Variants in UGT2A1 observed in about 807,000 individuals in gnomAD.
The protein encoded by UGT2A1 is UDP glucuronosyltransferase family 2 member A1 complex locus, also known as UDP-glucuronosyltransferase 2A1.
Under a neutral mutation model 45.4 loss-of-function variants are expected in UGT2A1, and 61 were observed. The observed-to-expected ratio is 1.34, with a 90% CI of 1.09 to 1.66. The LOEUF (loss-of-function observed/expected upper bound fraction) is 1.66. Ranked by LOEUF, UGT2A1 falls within the 40% of genes most tolerant of loss-of-function variation. The probability of loss-of-function intolerance (pLI) is 0.00; values close to 1 mark genes in which losing one functional copy is unlikely to be tolerated. For missense variants in UGT2A1, 649 were observed against 574.3 expected, an observed-to-expected ratio of 1.13 and a Z score of -1.33; for synonymous variants, 229 against 196.2, an observed-to-expected ratio of 1.17 and a Z score of -1.40.
chr4:69,604,198 A>G (rs1719466442), intron 3 of UGT2A1, among the ~76,000 whole-genome samples: 1 of 137,106 alleles, frequency 7.3e-6, no homozygotes, highest in Non-Finnish European at 1.6e-5. Context: ...AGGGAAGCCC[A>G]TCAGACTAAC....
chr4:69,626,506 C>G (rs1046337301), intron 3 of UGT2A1, among the ~76,000 whole-genome samples: 7 of 151,496 alleles, frequency 4.6e-5, no homozygotes, highest in African/African-American at 1.5e-4. Context: ...AAAAACAAAA[C>G]AGACTTGAGG....
At chr4:69,620,797 T>C (rs1720706619) in intron 3 of UGT2A1, among the ~76,000 whole-genome samples, 1 of 150,950 alleles carries the variant, frequency 6.6e-6, no homozygotes, top group Non-Finnish European at 1.5e-5. Flanking sequence ...AACAGAAACA[T>C]AGACAAAGGA....
intron 3 of UGT2A1, among the ~76,000 whole-genome samples, chr4:69,610,083 T>C (rs1454922939): frequency 6.6e-6 from 1 of 152,190 alleles, no homozygotes; most frequent in East Asian, 1.9e-4. Flanking sequence ...GAATCATGTT[T>C]CTAATACTGG....
intron 4 of UGT2A1, among the ~76,000 whole-genome samples, chr4:69,598,632 T>C (rs1477747615): frequency 6.6e-6 from 1 of 152,160 alleles, no homozygotes. Flanking sequence ...AAATGATTTC[T>C]AGAAATTACC....
chr4:69,620,125 C>T (rs6825253), intron 3 of UGT2A1, among the ~76,000 whole-genome samples: 53,438 of 151,718 alleles, frequency 0.35, 9,746 homozygotes, highest in African/African-American at 0.43. Flanking sequence ...TACTGGAAGT[C>T]CTTCCAGAGC....
At chr4:69,646,145 T>C (rs898769147) in intron 2 of UGT2A1, among the ~76,000 whole-genome samples, 1 of 151,830 alleles carries the variant, frequency 6.6e-6, no homozygotes, top group Non-Finnish European at 1.5e-5. Flanking sequence ...CTTGAATCCA[T>C]GGACTTTATT....
Position 69,647,199 on chromosome 4 carries a change from G to GAC in UGT2A1, c.444_445dup (p.Ser149CysfsTer11), listed in dbSNP as rs1301370187. On this transcript the variant is annotated frameshift_variant, in exon 2 of 7. Coordinates refer to ENST00000286604, the MANE Select transcript of UGT2A1 (RefSeq NM_001252275.3). LOFTEE classifies it high-confidence loss of function. ...ATCGCCACAAGGAAATACTGGATCA[G>GAC]ACACCAGGACTTCAAACTTGCTTTT... 5.0e-6 allele frequency: 8 copies of GAC among 1,613,054 alleles called. No individual in the cohort carries two copies. The highest frequency in any genetic ancestry group is 5.9e-6 in the Non-Finnish European group (7 of 1,179,434).
intron 3 of UGT2A1, among the ~76,000 whole-genome samples, chr4:69,607,631 C>A (rs1160199998): frequency 6.6e-6 from 1 of 152,258 alleles, no homozygotes; most frequent in African/African-American, 2.4e-5. Flanking sequence ...AGTGAACAGG[C>A]AACCTACAGA....
chr4:69,639,838 T>C (rs1367072168), intron 2 of UGT2A1, among the ~76,000 whole-genome samples: 1 of 152,060 alleles, frequency 6.6e-6, no homozygotes, highest in Non-Finnish European at 1.5e-5. Flanking sequence ...AATCTGGTTC[T>C]TTTTAAAGAA....
chr4:69,599,662 G>T (rs1165848748), intron 3 of UGT2A1: 2 of 330,562 alleles, frequency 6.1e-6, no homozygotes, highest in Non-Finnish European at 1.1e-5. Context: ...AAGGAAAAGT[G>T]AGAAAAAGGG....
chr4:69,613,895 C>G (rs575721894), intron 3 of UGT2A1, among the ~76,000 whole-genome samples: 1 of 152,070 alleles, frequency 6.6e-6, no homozygotes, highest in Non-Finnish European at 1.5e-5. Flanking sequence ...AAATTGAAAG[C>G]CTTTCTTCTA....
Position 69,603,221 on chromosome 4 carries a change from A to G in UGT2A1, c.848-3827T>C, listed in dbSNP as rs746881646. Among the ~76,000 whole-genome samples the G allele has an allele frequency of 7.3e-5, 10 of 137,150 alleles. 2 individuals are homozygous for G. Among genetic ancestry groups the G allele is most frequent in the Non-Finnish European group, 1.2e-4 (8 of 64,366 alleles). 90.0% of individuals were successfully genotyped at this position (137,150 alleles called of 152,430 possible). The stretch of plus-strand genomic sequence containing the variant: ...GCCAAAAATAATCAAGGAACTCCAG[A>G]TGAAGAGATACAAGAGGAAGGAATA... On this transcript the variant is annotated intron_variant, in intron 3 of 6. Transcript: ENST00000286604.
At chr4:69,625,082 A>C (rs1720966250) in intron 3 of UGT2A1, among the ~76,000 whole-genome samples, 2 of 151,160 alleles carry the variant, frequency 1.3e-5, no homozygotes, top group African/African-American at 2.4e-5. Flanking sequence ...TAATTATGAT[A>C]ATTTTAATTT....
At chr4:69,611,628 G>A (rs1280181040) in intron 3 of UGT2A1, among the ~76,000 whole-genome samples, 2 of 152,052 alleles carry the variant, frequency 1.3e-5, no homozygotes, top group African/African-American at 4.8e-5. Context: ...AACAGGGATT[G>A]CATAAATTTA....
rs767821027 is a variant in UGT2A1, at chr4:69,589,550, T to C, written c.1406A>G (p.Lys469Arg). Reference sequence around the variant, plus strand: ...TGCAACCCGAAGGTGCTTGGCTCCTTTGTGGCGCATGACAAACTCGATCCA... The same window carrying C: ...TGCAACCCGAAGGTGCTTGGCTCCTCTGTGGCGCATGACAAACTCGATCCA... ...VFWIEFVMRHKGAKHLRVAAH... is the reference protein window; with the variant it reads ...VFWIEFVMRHRGAKHLRVAAH... Residue 469 changes from lysine (K) to arginine (R), a missense_variant, in exon 7 of 7, where the codon AAA becomes AGA. Lys to Arg is a conservative substitution (Grantham distance 26). Coordinates refer to ENST00000286604, the MANE Select transcript of UGT2A1 (RefSeq NM_001252275.3). The C allele has an allele frequency of 1.5e-5, 24 of 1,613,944 alleles. No homozygotes were observed. The highest frequency in any genetic ancestry group is 1.9e-5 in the Non-Finnish European group (22 of 1,179,972).
intron 3 of UGT2A1, among the ~76,000 whole-genome samples, chr4:69,628,678 T>C (rs1454631373): frequency 6.7e-6 from 1 of 149,298 alleles, no homozygotes; most frequent in Non-Finnish European, 1.5e-5. Flanking sequence ...TAAGCTTAAA[T>C]GGGAGAAAAA....
intron 5 of UGT2A1, 102 bp downstream of exon 5, chr4:69,595,060 C>G: frequency 6.9e-7 from 1 of 1,445,620 alleles, no homozygotes; most frequent in African/African-American, 1.4e-5. Flanking sequence ...TGTCAAATAA[C>G]ATTTTAAATT....
chr4:69,621,107 A>G (rs1300881880), intron 3 of UGT2A1, among the ~76,000 whole-genome samples: 3 of 152,026 alleles, frequency 2.0e-5, no homozygotes, highest in Non-Finnish European at 4.4e-5. Flanking sequence ...TTTTATGACA[A>G]AGATGCCGAA....
intron 2 of UGT2A1, among the ~76,000 whole-genome samples, chr4:69,642,709 T>C (rs1722100644): frequency 6.6e-6 from 1 of 151,646 alleles, no homozygotes; most frequent in Non-Finnish European, 1.5e-5. Context: ...AAGTATGTTA[T>C]TATAGATGGC....
Sources: allele counts gnomAD v4.1 joint callset (sites outside exome capture counted in the v4.1 genomes callset), GRCh38; gene constraint gnomAD v4.1.1; transcripts MANE v1.5; gene names NCBI Gene and HGNC (gene_info 2026-07-23, HGNC 2026-07-21).